The following BICC1 variants were observed in gnomAD, a reference collection of about 807,000 sequenced individuals.
The protein encoded by BICC1 is BicC family RNA binding protein 1.
BICC1 carries 43 observed loss-of-function variants against 111.0 expected under a neutral mutation model. That is an observed-to-expected ratio of 0.39 (90% confidence interval 0.30 to 0.50). The LOEUF is 0.50. Ranked by LOEUF, BICC1 falls within the 20% of genes least tolerant of loss-of-function variation. The pLI, the probability that BICC1 is intolerant of heterozygous loss-of-function variation, is 0.88. For synonymous variants in BICC1, 467 were observed against 434.4 expected (o/e 1.07, Z -0.93); for missense variants, 1,091 against 1,203.2 (o/e 0.91, Z 1.38).
chr10:58,710,252 G>A (rs185768205), intron 3 of BICC1, among the ~76,000 whole-genome samples: 8 of 152,222 alleles, frequency 5.3e-5, no homozygotes, highest in Non-Finnish European at 8.8e-5. Flanking sequence ...CCAAATTCAG[G>A]TCTGTTTGTT....
intron 2 of BICC1, among the ~76,000 whole-genome samples, chr10:58,654,606 C>T (rs1263481301): frequency 1.7e-4 from 15 of 88,368 alleles, no homozygotes; most frequent in African/African-American, 5.5e-4. Context: ...GAGTAGGTTG[C>T]GACAATTTTC....
chr10:58,632,627 G>C (rs553997104), intron 2 of BICC1, among the ~76,000 whole-genome samples: 1 of 152,238 alleles, frequency 6.6e-6, no homozygotes, highest in East Asian at 1.9e-4. Context: ...GTGAAGTGAG[G>C]AAAGGCTTTG....
intron 1 of BICC1, among the ~76,000 whole-genome samples, chr10:58,564,194 A>C (rs1843689607): frequency 2.0e-5 from 3 of 152,270 alleles, no homozygotes; most frequent in African/African-American, 7.2e-5. Flanking sequence ...ACTGTTTAAA[A>C]AATTAAATGG....
intron 2 of BICC1, among the ~76,000 whole-genome samples, chr10:58,690,388 T>G (rs781269652): frequency 1.3e-5 from 2 of 152,238 alleles, no homozygotes; most frequent in African/African-American, 4.8e-5. Context: ...GACCATGGAT[T>G]CCAGATGGGC....
intron 3 of BICC1, among the ~76,000 whole-genome samples, chr10:58,762,104 T>G (rs1402310951): frequency 6.6e-6 from 1 of 152,190 alleles, no homozygotes; most frequent in South Asian, 2.1e-4. Flanking sequence ...AATTCATGTT[T>G]GAGAGAGTCT....
At chr10:58,652,965 C>A (rs921488421) in intron 2 of BICC1, among the ~76,000 whole-genome samples, 1 of 152,102 alleles carries the variant, frequency 6.6e-6, no homozygotes, top group Non-Finnish European at 1.5e-5. Flanking sequence ...GCAGAGGTTT[C>A]CTTGATACCA....
intron 1 of BICC1, among the ~76,000 whole-genome samples, chr10:58,531,589 G>T (rs940537444): frequency 1.3e-5 from 2 of 151,834 alleles, no homozygotes; most frequent in Non-Finnish European, 2.9e-5. Flanking sequence ...TGACCCAAAA[G>T]AAATGGAGAT....
intron 3 of BICC1, among the ~76,000 whole-genome samples, chr10:58,739,203 A>G (rs907482830): frequency 5.9e-5 from 9 of 152,138 alleles, no homozygotes; most frequent in African/African-American, 1.2e-4. Flanking sequence ...ATTCAATATG[A>G]TATTGGCTGT....
At chr10:58,678,578 A>G (rs917136464) in intron 2 of BICC1, among the ~76,000 whole-genome samples, 2 of 152,190 alleles carry the variant, frequency 1.3e-5, no homozygotes, top group Non-Finnish European at 2.9e-5. Flanking sequence ...ATCCCCACAC[A>G]ATAATAGTGG....
intron 2 of BICC1, among the ~76,000 whole-genome samples, chr10:58,639,457 C>A (rs1421692243): frequency 6.8e-6 from 1 of 147,100 alleles, no homozygotes; most frequent in African/African-American, 2.5e-5. Flanking sequence ...TGCAGTGGTG[C>A]AATCTCGGCT....
chr10:58,731,327 C>T (rs568463119), intron 3 of BICC1, among the ~76,000 whole-genome samples: 1 of 152,310 alleles, frequency 6.6e-6, no homozygotes, highest in South Asian at 2.1e-4. Flanking sequence ...TTAGTTACAA[C>T]CACTCAATAA....
At chr10:58,662,210 G>A (rs965634470) in intron 2 of BICC1, among the ~76,000 whole-genome samples, 10 of 152,070 alleles carry the variant, frequency 6.6e-5, no homozygotes, top group African/African-American at 1.9e-4. Context: ...ACATATCTTG[G>A]ACATCTTCTA....
chr10:58,769,402 G>GTATATATATATATATATATA lies in BICC1; in HGVS notation c.308-15598_308-15597insATATATATATATATATATAT, dbSNP rs879547814. On this transcript the variant is annotated intron_variant, in intron 3 of 20. Transcript: ENST00000373886. Reference sequence around the variant, plus strand: ...TGTGTGTGTGTGTGTGTGTGTGTGTGTGTATATATATATATATATATATAA... The same window carrying GTATATATATATATATATATA: ...TGTGTGTGTGTGTGTGTGTGTGTGTGTATATATATATATATATATATGTATATATATATATATATATATAA... Among the ~76,000 whole-genome samples, 948 of 111,770 alleles carry GTATATATATATATATATATA rather than the reference G, an allele frequency of 8.5e-3. 5 individuals are homozygous for GTATATATATATATATATATA. The highest frequency in any genetic ancestry group is 0.015 in the Middle Eastern group (3 of 200). 73.3% of individuals were successfully genotyped at this position (111,770 alleles called of 152,430 possible).
At chr10:58,798,617 T>A in intron 11 of BICC1, 57 bp downstream of exon 11, 11 of 1,396,144 alleles carry the variant, frequency 7.9e-6, no homozygotes, top group South Asian at 1.9e-5. Context: ...ACCAGTTTTT[T>A]AAATAAAATT....
intron 1 of BICC1, among the ~76,000 whole-genome samples, chr10:58,576,746 G>A (rs921207052): frequency 6.6e-6 from 1 of 152,124 alleles, no homozygotes; most frequent in Non-Finnish European, 1.5e-5. Flanking sequence ...GCACTCAAAT[G>A]TAAGTTCAGA....
chr10:58,749,961 A>G (rs1370227259), intron 3 of BICC1, among the ~76,000 whole-genome samples: 2 of 152,192 alleles, frequency 1.3e-5, no homozygotes, highest in Non-Finnish European at 1.5e-5. Context: ...GGGATGTTTC[A>G]TATGATCTGG....
chr10:58,702,100 T>A lies in BICC1; in HGVS notation c.264T>A (p.Ile88=). 9 of 1,613,460 alleles carry A rather than the reference T, an allele frequency of 5.6e-6. No homozygotes were observed. Among genetic ancestry groups the A allele is most frequent in the Non-Finnish European group, 7.6e-6 (9 of 1,179,674 alleles). ...TCATGGAGGAAACAAATACGCAGAT[T>A]GCTTGGCCATCAAAACTGAAGATCG... ...QKIMEETNTQ[I]AWPSKLKIGA... Residue 88 remains isoleucine, a synonymous_variant, in exon 3 of 21, where the codon ATT becomes ATA. Coordinates refer to ENST00000373886, the MANE Select transcript of BICC1 (RefSeq NM_001080512.3).
intron 2 of BICC1, among the ~76,000 whole-genome samples, chr10:58,646,705 G>C (rs988225155): frequency 1.3e-5 from 2 of 152,052 alleles, no homozygotes; most frequent in African/African-American, 4.8e-5. Flanking sequence ...TTTTATTTTA[G>C]GCCATGGAGA....
chr10:58,715,915 G>A lies in BICC1; in HGVS notation c.307+13772G>A, dbSNP rs1840725292. ...TTCTTCCAGCAATTCTTCTGATTCT[G>A]AAGATGAGGATAAGAAACAAGGAAA... is the stretch of plus-strand genomic sequence containing the variant. On this transcript the variant is annotated intron_variant, in intron 3 of 20. Transcript: ENST00000373886. The A allele has an allele frequency of 6.0e-5, 77 of 1,275,880 alleles. 1 individual carries two copies. The South Asian group carries it at 9.8e-4, about 16-fold the overall frequency. 79.0% of individuals were successfully genotyped at this position (1,275,880 alleles called of 1,614,324 possible). A position where few individuals can be genotyped will look rare whatever the true frequency, so the allele number is the denominator to read the frequency against.
Sources: allele counts gnomAD v4.1 joint callset (sites outside exome capture counted in the v4.1 genomes callset), GRCh38; gene constraint gnomAD v4.1.1; transcripts MANE v1.5; gene names NCBI Gene and HGNC (gene_info 2026-07-23, HGNC 2026-07-21).